The following R3HDM2 variants were observed in gnomAD, a reference collection of about 807,000 sequenced individuals.
The protein encoded by R3HDM2 is R3H domain-containing protein 2.
R3HDM2 carries 38 observed loss-of-function variants against 124.5 expected under a neutral mutation model. The ratio of observed to expected loss-of-function variants is 0.31; its 90% CI spans 0.24 to 0.40. The LOEUF (loss-of-function observed/expected upper bound fraction) is 0.40. R3HDM2 is among the 10% of genes least tolerant of loss of function. The pLI is 1.00. For synonymous variants in R3HDM2, 391 were observed against 448.0 expected (o/e 0.87, Z 1.61); for missense variants, 869 against 1,236.9 (o/e 0.70, Z 4.46).
At chr12:57,399,921 A>C (rs1157148438) in intron 1 of R3HDM2, among the ~76,000 whole-genome samples, 1 of 152,134 alleles carries the variant, frequency 6.6e-6, no homozygotes, top group African/African-American at 2.4e-5. Flanking sequence ...TTCTCACCTC[A>C]CCTAGGACTT....
chr12:57,317,633 TAA>T (rs148795067), intron 2 of R3HDM2, among the ~76,000 whole-genome samples: 86 of 100,552 alleles, frequency 8.6e-4, no homozygotes, highest in Admixed American at 1.5e-3. Flanking sequence ...GGGAGATAGT[TAA>T]AAAAAAAAAA....
chr12:57,311,492 C>G (rs1055045336), intron 2 of R3HDM2, among the ~76,000 whole-genome samples: 1 of 151,956 alleles, frequency 6.6e-6, no homozygotes, highest in African/African-American at 2.4e-5. Flanking sequence ...TCCCAAAGTG[C>G]TGGGATTACA....
intron 5 of R3HDM2, among the ~76,000 whole-genome samples, 186 bp from the exon 6 acceptor site, chr12:57,299,664 A>C (rs2050677718): frequency 6.6e-6 from 1 of 152,170 alleles, no homozygotes; most frequent in Admixed American, 6.5e-5. Context: ...TTCTGCCAGC[A>C]AGCACAACCT....
rs1401424893 is a variant in R3HDM2, at chr12:57,343,545, G to A, written c.-35-33082C>T. Among the ~76,000 whole-genome samples the A allele has an allele frequency of 2.0e-5, 3 of 151,808 alleles. No individual in the cohort carries two copies. The East Asian group carries it at 5.8e-4, about 29-fold the overall frequency. ...GATAGTAATAATCTCTATTGCTCAG[G>A]AAGTAATGAACATTACAGGCAGTGC... On this transcript the variant is annotated intron_variant, in intron 2 of 23. Coordinates refer to ENST00000402412, the MANE Select transcript of R3HDM2 (RefSeq NM_001394031.1).
At chr12:57,388,416 T>C (rs1297508245) in intron 2 of R3HDM2, among the ~76,000 whole-genome samples, 1 of 152,154 alleles carries the variant, frequency 6.6e-6, no homozygotes, top group African/African-American at 2.4e-5. Flanking sequence ...TAGGAAAATA[T>C]GTTGTAAGAA....
intron 1 of R3HDM2, among the ~76,000 whole-genome samples, chr12:57,406,441 AAACT>A (rs1400447493): frequency 5.3e-5 from 8 of 152,348 alleles, no homozygotes; most frequent in Middle Eastern, 3.4e-3. Context: ...GTTAATAAAC[AAACT>A]AATTATTTTG....
chr12:57,354,870 G>C (rs2061085410), intron 2 of R3HDM2, among the ~76,000 whole-genome samples: 1 of 151,832 alleles, frequency 6.6e-6, no homozygotes, highest in African/African-American at 2.4e-5. Context: ...TATTTCCCAG[G>C]TTGGAATGCA....
intron 4 of R3HDM2, among the ~76,000 whole-genome samples, chr12:57,301,266 C>T (rs6581133): frequency 0.97 from 148,198 of 152,274 alleles, 72,250 homozygotes; most frequent in Middle Eastern, 1. Context: ...AAATCATTTC[C>T]CTCCTAGGGA....
chr12:57,419,689 G>A (rs1455924094), intron 1 of R3HDM2, among the ~76,000 whole-genome samples: 4 of 151,878 alleles, frequency 2.6e-5, no homozygotes, highest in Non-Finnish European at 5.9e-5. Flanking sequence ...TAATTCTCCC[G>A]CCTTGACCTC....
At chr12:57,404,064 AT>A (rs767234283) in intron 1 of R3HDM2, among the ~76,000 whole-genome samples, 2 of 77,016 alleles carry the variant, frequency 2.6e-5, no homozygotes, top group Non-Finnish European at 4.6e-5. Context: ...TCCACTCCTA[AT>A]TTTTTTTTTT....
At chr12:57,255,877 G>C in intron 23 of R3HDM2, 113 bp downstream of exon 23, 1 of 838,208 alleles carries the variant, frequency 1.2e-6, no homozygotes, top group East Asian at 2.5e-5. Context: ...AGCACAAAGG[G>C]TCCCACTTCC....
At chr12:57,367,956 A>G (rs774092562) in intron 2 of R3HDM2, among the ~76,000 whole-genome samples, 12 of 151,742 alleles carry the variant, frequency 7.9e-5, no homozygotes, top group Admixed American at 1.3e-4. Context: ...TATGTTCTAT[A>G]TTCAATAATT....
At chr12:57,424,090 G>A (rs748954144) in intron 1 of R3HDM2, among the ~76,000 whole-genome samples, 71 of 123,818 alleles carry the variant, frequency 5.7e-4, no homozygotes, top group Admixed American at 2.0e-3. Flanking sequence ...CTCCAGCCTG[G>A]GCAACAAGAG....
At chr12:57,264,446 C>A (rs2137211589) in intron 19 of R3HDM2, among the ~76,000 whole-genome samples, 1 of 150,036 alleles carries the variant, frequency 6.7e-6, no homozygotes, top group African/African-American at 2.4e-5. Flanking sequence ...GTGGCAGGCG[C>A]CTGTAGTCCC....
At chr12:57,365,546 T>A (rs2062538329) in intron 2 of R3HDM2, among the ~76,000 whole-genome samples, 1 of 152,232 alleles carries the variant, frequency 6.6e-6, no homozygotes, top group African/African-American at 2.4e-5. Context: ...TTCATGATTT[T>A]TCTGTTGGGA....
Position 57,390,151 on chromosome 12 carries a change from A to G in R3HDM2, c.-36+5598T>C, listed in dbSNP as rs538781869. On this transcript the variant is annotated intron_variant, in intron 2 of 23. Transcript: ENST00000402412. ...GGCTAACAGAGTAACAAGAATCAGA[A>G]TACCTTCTAGGAGAAATAACTAAAA... Among the ~76,000 whole-genome samples the G allele has an allele frequency of 1.5e-3, 225 of 151,394 alleles. 6 individuals are homozygous for G. In the South Asian group the frequency reaches 0.046, roughly 31 times the overall value.
chr12:57,296,866 C>A lies in R3HDM2; in HGVS notation c.561-315G>T. On this transcript the variant is annotated intron_variant, in intron 8 of 23. Transcript: ENST00000402412. This position sits in a 1 kb window ranked among gnomAD's most constrained non-coding sequence, Gnocchi z 4.5. ...ATCAATTGAGTTCAGGAGTTCAAGA[C>A]CAGCCTGGTCAACATGGTGAAACCC... 3.9e-6 allele frequency: 1 copy of A among 253,172 alleles called. No individual in the cohort carries two copies. 15.7% of individuals were successfully genotyped at this position (253,172 alleles called of 1,614,324 possible).
chr12:57,348,211 C>T (rs1000546286), intron 2 of R3HDM2, among the ~76,000 whole-genome samples: 10 of 152,094 alleles, frequency 6.6e-5, no homozygotes, highest in Non-Finnish European at 1.3e-4. Context: ...ATCGATTGAG[C>T]CCAGGAGTTC....
At chr12:57,317,666 G>GT (rs1302972629) in intron 2 of R3HDM2, among the ~76,000 whole-genome samples, 6 of 68,996 alleles carry the variant, frequency 8.7e-5, no homozygotes, top group Admixed American at 4.6e-4. Flanking sequence ...TAAGAAGATA[G>GT]TTAAAAAAAA....
Sources: allele counts gnomAD v4.1 joint callset (sites outside exome capture counted in the v4.1 genomes callset), GRCh38; gene constraint gnomAD v4.1.1; non-coding constraint Gnocchi (gnomAD v3.1); transcripts MANE v1.5; gene names NCBI Gene and HGNC (gene_info 2026-07-23, HGNC 2026-07-21).